KIF16B: variants seen among roughly 807,000 people sequenced by gnomAD.
The protein encoded by KIF16B is kinesin-like protein KIF16B.
Under a neutral mutation model 156.3 loss-of-function variants are expected in KIF16B, and 98 were observed. The observed-to-expected ratio is 0.63, with a 90% CI of 0.53 to 0.74. The LOEUF (loss-of-function observed/expected upper bound fraction) is 0.74. KIF16B is among the 30% of genes least tolerant of loss of function. The pLI, the probability that KIF16B is intolerant of heterozygous loss-of-function variation, is 0.00. For synonymous variants in KIF16B, 564 were observed against 583.7 expected (o/e 0.97, Z 0.49); for missense variants, 1,421 against 1,606.5 (o/e 0.88, Z 1.97).
intron 15 of KIF16B, among the ~76,000 whole-genome samples, chr20:16,407,675 A>C (rs1333028741): frequency 6.6e-6 from 1 of 152,156 alleles, no homozygotes; most frequent in Non-Finnish European, 1.5e-5. Context: ...AGGATGTTTG[A>C]AACAGCATCA....
intron 24 of KIF16B, among the ~76,000 whole-genome samples, chr20:16,314,793 G>A (rs903691119): frequency 6.6e-5 from 10 of 152,224 alleles, no homozygotes; most frequent in Middle Eastern, 3.4e-3. Context: ...CTGGGAAGCC[G>A]TAGTGACATG....
chr20:16,490,378 T>C (rs1045743558), intron 12 of KIF16B, among the ~76,000 whole-genome samples: 6 of 151,630 alleles, frequency 4.0e-5, no homozygotes, highest in African/African-American at 1.5e-4. Context: ...CCATCTCTAC[T>C]AAAAAGACAA....
chr20:16,562,353 A>G (rs950345991), intron 1 of KIF16B, among the ~76,000 whole-genome samples: 2 of 152,080 alleles, frequency 1.3e-5, no homozygotes, highest in Admixed American at 1.3e-4. Context: ...TATTAAGTAA[A>G]CTTAATACAC....
chr20:16,503,828 A>G (rs1201043290), intron 10 of KIF16B, among the ~76,000 whole-genome samples: 1 of 152,168 alleles, frequency 6.6e-6, no homozygotes, highest in Admixed American at 6.5e-5. Context: ...TAGAATCCCA[A>G]CAGATCCTAA....
intron 1 of KIF16B, among the ~76,000 whole-genome samples, chr20:16,548,506 C>A (rs138558128): frequency 6.6e-6 from 1 of 152,236 alleles, no homozygotes; most frequent in Non-Finnish European, 1.5e-5. Flanking sequence ...CGCCTCCTGT[C>A]ATATCAGCAG....
chr20:16,536,269 T>C (rs6080293), intron 1 of KIF16B, among the ~76,000 whole-genome samples: 23,028 of 151,688 alleles, frequency 0.15, 2,173 homozygotes, highest in Non-Finnish European at 0.21. Context: ...CTCTCACTCA[T>C]ATGTGGGAGA....
At chr20:16,432,739 C>A (rs942833342) in intron 12 of KIF16B, among the ~76,000 whole-genome samples, 1 of 151,350 alleles carries the variant, frequency 6.6e-6, no homozygotes, top group Non-Finnish European at 1.5e-5. Context: ...GAAGTAACAA[C>A]AACAACAAAA....
chr20:16,278,525 T>C (rs566661078), intron 25 of KIF16B, among the ~76,000 whole-genome samples: 8 of 152,176 alleles, frequency 5.3e-5, no homozygotes, highest in Non-Finnish European at 1.2e-4. Flanking sequence ...ATTTCATGAA[T>C]TGCCTTTCTT....
At chr20:16,530,267 T>C (rs751780339) in intron 1 of KIF16B, among the ~76,000 whole-genome samples, 1 of 152,178 alleles carries the variant, frequency 6.6e-6, no homozygotes, top group Non-Finnish European at 1.5e-5. Context: ...CCCTGTCGTG[T>C]GCGATCCTTG....
At chr20:16,377,607 G>A (rs148673134) in intron 19 of KIF16B, among the ~76,000 whole-genome samples, 133 of 152,018 alleles carry the variant, frequency 8.7e-4, no homozygotes, top group African/African-American at 3.2e-3. Flanking sequence ...TCTTGTACAA[G>A]TGGTGACACT....
Position 16,559,954 on chromosome 20 carries a change from C to T in KIF16B, c.47+13275G>A, listed in dbSNP as rs147800235. Among the ~76,000 whole-genome samples the T allele has an allele frequency of 3.1e-3, 473 of 151,948 alleles. 4 individuals are homozygous for T. Among genetic ancestry groups the T allele is most frequent in the African/African-American group, 0.011 (460 of 41,410 alleles). ...ATAATGTTGTATCAATATTACTTTCCGGTTTTGATAATTATAAGATAGTTA... is the reference window on the plus strand; with the variant it reads ...ATAATGTTGTATCAATATTACTTTCTGGTTTTGATAATTATAAGATAGTTA... On this transcript the variant is annotated intron_variant, in intron 1 of 25. Transcript: ENST00000354981.
At chr20:16,397,576 G>A (rs1374797098) in intron 17 of KIF16B, among the ~76,000 whole-genome samples, 4 of 152,220 alleles carry the variant, frequency 2.6e-5, no homozygotes, top group African/African-American at 9.6e-5. Flanking sequence ...ACATTGCTCT[G>A]AGGATAACTT....
At chr20:16,321,548 G>A (rs1601564797) in intron 24 of KIF16B, among the ~76,000 whole-genome samples, 1 of 152,042 alleles carries the variant, frequency 6.6e-6, no homozygotes, top group East Asian at 1.9e-4. Flanking sequence ...CTCAGATGCT[G>A]ATGATTAAAA....
At chr20:16,304,644 T>TA (rs1344132322) in intron 25 of KIF16B, among the ~76,000 whole-genome samples, 1 of 152,246 alleles carries the variant, frequency 6.6e-6, no homozygotes, top group Non-Finnish European at 1.5e-5. Flanking sequence ...CTATGTTTGA[T>TA]AATGGTTCTA....
intron 25 of KIF16B, among the ~76,000 whole-genome samples, chr20:16,278,993 G>C (rs935998532): frequency 6.6e-6 from 1 of 152,156 alleles, no homozygotes; most frequent in East Asian, 1.9e-4. Context: ...CAAACACGGG[G>C]AAGGTCCTGT....
At chr20:16,403,142 C>T (rs2065697340) in intron 17 of KIF16B, among the ~76,000 whole-genome samples, 1 of 152,182 alleles carries the variant, frequency 6.6e-6, no homozygotes, top group Non-Finnish European at 1.5e-5. Flanking sequence ...AACGATAGTA[C>T]CTGGATTCCA....
At chr20:16,532,789 G>A (rs2069807686) in intron 1 of KIF16B, among the ~76,000 whole-genome samples, 1 of 152,176 alleles carries the variant, frequency 6.6e-6, no homozygotes, top group South Asian at 2.1e-4. Flanking sequence ...AGAAGTGATC[G>A]TGGTAATGCT....
intron 22 of KIF16B, among the ~76,000 whole-genome samples, chr20:16,363,106 G>A (rs1369022743): frequency 6.6e-6 from 1 of 152,190 alleles, no homozygotes; most frequent in East Asian, 1.9e-4. Flanking sequence ...AAAATCAGAG[G>A]AGGCAGATAT....
chr20:16,287,481 C>T (rs184843164), intron 25 of KIF16B, among the ~76,000 whole-genome samples: 140 of 152,240 alleles, frequency 9.2e-4, no homozygotes, highest in African/African-American at 2.4e-3. Flanking sequence ...CTATTCATTA[C>T]GGCTATTCAG....
Sources: gnomAD v4.1 joint callset for allele counts (sites outside exome capture counted in the v4.1 genomes callset) on GRCh38, gnomAD v4.1.1 for gene constraint, MANE v1.5 for transcripts, NCBI Gene and HGNC (gene_info 2026-07-23, HGNC 2026-07-21) for gene names.